Variants in TBC1D16 observed in about 807,000 individuals in gnomAD.
The protein encoded by TBC1D16 is TBC1 domain family member 16.
Under a neutral mutation model 74.7 loss-of-function variants are expected in TBC1D16, and 58 were observed. The observed-to-expected ratio is 0.78, with a 90% CI of 0.63 to 0.97. The LOEUF (loss-of-function observed/expected upper bound fraction) is 0.97, where lower values mean the gene tolerates loss of function less well. Ranked by LOEUF, TBC1D16 falls within the 50% of genes least tolerant of loss-of-function variation. The pLI, the probability that TBC1D16 is intolerant of heterozygous loss-of-function variation, is 0.00. For missense variants in TBC1D16, 1,014 were observed against 1,079.5 expected (o/e 0.94, Z 0.85); for synonymous variants, 493 against 474.7 (o/e 1.04, Z -0.50).
Position 79,950,356 on chromosome 17 carries a change from T to C in TBC1D16, c.1257+55A>G. The C allele has an allele frequency of 6.5e-7, 1 of 1,527,314 alleles. No individual in the cohort carries two copies. The highest frequency in any genetic ancestry group is 8.8e-7 in the Non-Finnish European group (1 of 1,141,194). The allele number at this position is 1,527,314 out of a possible 1,614,324, so 94.6% of individuals were successfully genotyped here. A position where few individuals can be genotyped will look rare whatever the true frequency, so the allele number is the denominator to read the frequency against. ...CCCGGCCCTCCTTCCCTCTCGCTCG[T>C]TCCCGGTTCCCGGCCGGCTCTCCGC... On this transcript the variant is annotated intron_variant, in intron 6 of 11. Transcript: ENST00000310924. This position sits in a 1 kb window ranked among gnomAD's most constrained non-coding sequence, Gnocchi z 4.6.
In TBC1D16 at chr17:80,035,013, C is replaced by A. The variant is rs1459188341; in HGVS notation, c.-63+782G>T. Among the ~76,000 whole-genome samples, 1 of 152,186 alleles carries A rather than the reference C, an allele frequency of 6.6e-6. No individual in the cohort carries two copies. Among genetic ancestry groups the A allele is most frequent in the African/African-American group, 2.4e-5 (1 of 41,462 alleles). On this transcript the variant is annotated intron_variant, in intron 1 of 11. Transcript: ENST00000310924. The surrounding 1 kb of genome is among the most constrained non-coding windows in gnomAD (Gnocchi z 5.3). The stretch of plus-strand genomic sequence containing the variant: ...ACCCAGACAGTAAAACAAACTTTAC[C>A]ATAAGGCGAGACTAACTTTTGTTAT...
rs2031454488 is a variant in TBC1D16, at chr17:79,934,412, G to A, written c.*6447C>T. 6.6e-6 allele frequency: 1 copy of A among 152,394 alleles called. No individual in the cohort carries two copies. Among genetic ancestry groups the A allele is most frequent in the Non-Finnish European group, 1.5e-5 (1 of 68,198 alleles). 9.4% of individuals were successfully genotyped at this position (152,394 alleles called of 1,614,324 possible). A position where few individuals can be genotyped will look rare whatever the true frequency, so the allele number is the denominator to read the frequency against. The stretch of plus-strand genomic sequence containing the variant: ...CCTGCCCAGTCCCGTTGCCTTGGAG[G>A]CGGTGACATCAGGGGCCCCTGAGCC... On this transcript the variant is annotated 3_prime_UTR_variant, in exon 12 of 12. Coordinates refer to ENST00000310924, the MANE Select transcript of TBC1D16 (RefSeq NM_019020.4).
chr17:79,945,647 G>A (rs1014131235), intron 9 of TBC1D16, among the ~76,000 whole-genome samples: 6 of 152,210 alleles, frequency 3.9e-5, no homozygotes, highest in Admixed American at 1.3e-4. Context: ...GGCCCAGGCC[G>A]CTGACTTCAT....
rs140818121 is a variant in TBC1D16, at chr17:79,979,234, G to T, written c.780-26416C>A. On this transcript the variant is annotated intron_variant, in intron 3 of 11. Coordinates refer to ENST00000310924, the MANE Select transcript of TBC1D16 (RefSeq NM_019020.4). This position sits in a 1 kb window ranked among gnomAD's most constrained non-coding sequence, Gnocchi z 4.8. ...ACACGCTCCGGGGACGCACACCCAC[G>T]CCTAGAGCACACACGCTCCGGGGAT... Among the ~76,000 whole-genome samples the T allele has an allele frequency of 3.9e-5, 6 of 151,954 alleles. No individual in the cohort carries two copies. Among genetic ancestry groups the T allele is most frequent in the Non-Finnish European group, 8.8e-5 (6 of 68,004 alleles).
In TBC1D16 at chr17:79,979,341, C is replaced by T. The variant is rs773421937; in HGVS notation, c.780-26523G>A. Among the ~76,000 whole-genome samples the T allele has an allele frequency of 1.3e-5, 2 of 152,204 alleles. No homozygotes were observed. Among genetic ancestry groups the T allele is most frequent in the African/African-American group, 2.4e-5 (1 of 41,450 alleles). ...CACACGCTCCAGGGATGCACACCCA[C>T]GCCCTGGACCCCAGCAGAGGGATCA... On this transcript the variant is annotated intron_variant, in intron 3 of 11. Transcript: ENST00000310924. This position sits in a 1 kb window ranked among gnomAD's most constrained non-coding sequence, Gnocchi z 4.8.
chr17:80,025,233 G>A (rs570677367), intron 1 of TBC1D16, among the ~76,000 whole-genome samples: 1 of 150,004 alleles, frequency 6.7e-6, no homozygotes, highest in African/African-American at 2.5e-5. Flanking sequence ...GCCACCCTCT[G>A]CTCTACCAGC....
chr17:80,012,511 T>A (rs1054276017), intron 2 of TBC1D16, among the ~76,000 whole-genome samples: 7 of 152,222 alleles, frequency 4.6e-5, no homozygotes, highest in African/African-American at 1.7e-4. Flanking sequence ...GTTTAAAAAT[T>A]TATTTATTCA....
chr17:79,947,466 C>T (rs1322064065), intron 9 of TBC1D16, among the ~76,000 whole-genome samples, 179 bp downstream of exon 9: 2 of 152,166 alleles, frequency 1.3e-5, no homozygotes, highest in African/African-American at 2.4e-5. Context: ...GGGCCATCCC[C>T]GGAGGCCGAG....
intron 1 of TBC1D16, among the ~76,000 whole-genome samples, chr17:80,027,115 G>C (rs79969090): frequency 0.056 from 8,477 of 152,232 alleles, 720 homozygotes; most frequent in African/African-American, 0.18. Context: ...AAAGCACCTT[G>C]TGGCAATTAT....
intron 8 of TBC1D16, among the ~76,000 whole-genome samples, chr17:79,948,168 G>A (rs957881861): frequency 1.3e-5 from 2 of 152,226 alleles, no homozygotes. Flanking sequence ...AAACTTAGCC[G>A]GGCATGGTGG....
chr17:79,978,124 T>A (rs572777292), intron 3 of TBC1D16, among the ~76,000 whole-genome samples: 2 of 152,160 alleles, frequency 1.3e-5, no homozygotes, highest in African/African-American at 4.8e-5. Flanking sequence ...AGCGCCGACA[T>A]CCCGCATGCA....
At chr17:79,947,929 G>A (rs923024376) in intron 8 of TBC1D16, 98 bp from the exon 9 acceptor site, 7 of 1,031,576 alleles carry the variant, frequency 6.8e-6, no homozygotes, top group East Asian at 2.6e-5. Context: ...GCCTTCCCTC[G>A]CTTGCCTTCA....
intron 1 of TBC1D16, among the ~76,000 whole-genome samples, chr17:80,021,734 C>T (rs961510603): frequency 6.8e-6 from 1 of 148,148 alleles, no homozygotes; most frequent in Non-Finnish European, 1.5e-5. Context: ...CAGACACACA[C>T]ACTGCACACA....
At chr17:80,005,395 C>T (rs555218780) in intron 3 of TBC1D16, among the ~76,000 whole-genome samples, 3 of 152,348 alleles carry the variant, frequency 2.0e-5, no homozygotes, top group South Asian at 2.1e-4. Flanking sequence ...TCCACACCCT[C>T]GCCCAACTGG....
chr17:79,958,509 C>T (rs4889808), intron 3 of TBC1D16, among the ~76,000 whole-genome samples: 70,373 of 152,066 alleles, frequency 0.46, 16,562 homozygotes, highest in East Asian at 0.57. Flanking sequence ...TGAGCCACCG[C>T]GCCCAGCCCT....
At chr17:80,003,556 A>C (rs1376103333) in intron 3 of TBC1D16, among the ~76,000 whole-genome samples, 8 of 152,192 alleles carry the variant, frequency 5.3e-5, no homozygotes. Flanking sequence ...CCAAATGTGC[A>C]GGTTCTCCCC....
At chr17:80,013,286 TG>T in intron 2 of TBC1D16, 80 bp downstream of exon 2, 1 of 1,354,696 alleles carries the variant, frequency 7.4e-7, no homozygotes, top group Non-Finnish European at 1.0e-6. Flanking sequence ...TCTCACGTGC[TG>T]TGGCCCAGGG....
chr17:80,002,312 G>A (rs539915121), intron 3 of TBC1D16, among the ~76,000 whole-genome samples: 3 of 152,336 alleles, frequency 2.0e-5, no homozygotes, highest in East Asian at 3.9e-4. Flanking sequence ...TAATTCAGCC[G>A]CTGCCGCTGA....
Position 79,942,190 on chromosome 17 carries a change from AG to A in TBC1D16, c.1924del (p.Leu642PhefsTer36), listed in dbSNP as rs777575300. On this transcript the variant is annotated frameshift_variant, in exon 11 of 12. Transcript: ENST00000310924. LOFTEE classifies it high-confidence loss of function. ...GGCCACGATGGCCACGCAGATGAAA[AG>A]GTGGAAGTAGTCCGTCTGTGGAGGC... ...WAHYQTDYFH[L>X]FICVAIVAIY... 6.2e-7 allele frequency: 1 copy of A among 1,603,116 alleles called. No individual in the cohort carries two copies. The highest frequency in any genetic ancestry group is 1.1e-5 in the South Asian group (1 of 89,218).
Sources: allele counts gnomAD v4.1 joint callset (sites outside exome capture counted in the v4.1 genomes callset), GRCh38; gene constraint gnomAD v4.1.1; non-coding constraint Gnocchi (gnomAD v3.1); transcripts MANE v1.5; gene names NCBI Gene and HGNC (gene_info 2026-07-23, HGNC 2026-07-21).